Variants in COPA observed in about 807,000 individuals in gnomAD.
COPA encodes the protein coat protein complex I subunit alpha.
In COPA, 10 loss-of-function variants were observed where a neutral mutation model predicts 158.7. The ratio of observed to expected loss-of-function variants is 0.06; its 90% CI spans 0.04 to 0.11. The LOEUF is 0.11. Among genes scored for constraint, COPA ranks in the 10% least tolerant of loss-of-function variants. The pLI is 1.00. For synonymous variants in COPA, 462 were observed against 542.8 expected, an observed-to-expected ratio of 0.85 and a Z score of 2.07; for missense variants, 1,065 against 1,536.7, an observed-to-expected ratio of 0.69 and a Z score of 5.13.
intron 27 of COPA, 47 bp downstream of exon 27, chr1:160,293,119 G>A (rs560610472): frequency 6.3e-7 from 1 of 1,578,478 alleles, no homozygotes; most frequent in East Asian, 2.2e-5. Context: ...CATCTCCCGG[G>A]GACCCTGGGC....
intron 19 of COPA, among the ~76,000 whole-genome samples, chr1:160,298,023 C>CA (rs541581539): frequency 6.2e-4 from 94 of 151,412 alleles, no homozygotes; most frequent in African/African-American, 2.1e-3. Context: ...ACTAAAAATA[C>CA]AAAAAAAATT....
In COPA at chr1:160,291,829, C is replaced by T. The variant is rs141211632; in HGVS notation, c.3248G>A (p.Arg1083His). 6.2e-6 allele frequency: 10 copies of T among 1,613,942 alleles called. No homozygotes were observed. Among genetic ancestry groups the T allele is most frequent in the African/African-American group, 1.3e-5 (1 of 74,870 alleles). Residue 1083 changes from arginine (R) to histidine (H), a missense_variant, in exon 30 of 33, where the codon CGC (arginine) becomes CAC (histidine). Coordinates refer to ENST00000241704, the MANE Select transcript of COPA (RefSeq NM_004371.4). The stretch of plus-strand genomic sequence containing the variant: ...TCCTATAGATCTTACCTCACAGATG[C>T]GCTTCTGCTGTTCTAGAGTCTCTTT... Reference protein sequence around the residue: ...LPKETLEQQKRICEMAAYFTH... With the variant: ...LPKETLEQQKHICEMAAYFTH...
At chr1:160,292,386 C>T (rs1010499714) in intron 28 of COPA, 98 bp downstream of exon 28, 5 of 1,597,138 alleles carry the variant, frequency 3.1e-6, no homozygotes, top group Non-Finnish European at 4.3e-6. Flanking sequence ...ACTGGGAAAC[C>T]CTAGCTCTGA....
intron 13 of COPA, 64 bp downstream of exon 13, chr1:160,309,037 G>A: frequency 7.7e-7 from 1 of 1,302,888 alleles, no homozygotes; most frequent in South Asian, 1.2e-5. Flanking sequence ...AAAACTTGAA[G>A]AGGAGTTATG....
At chr1:160,325,470 A>G (rs948454485) in intron 7 of COPA, 73 bp downstream of exon 7, 5 of 1,240,928 alleles carry the variant, frequency 4.0e-6, no homozygotes, top group African/African-American at 3.0e-5. Context: ...GAAGGAATGA[A>G]TAAATGAACA....
chr1:160,328,717 C>T lies in COPA; in HGVS notation c.497-3065G>A, dbSNP rs80047825. On this transcript the variant is annotated intron_variant, in intron 6 of 32. Transcript: ENST00000241704. Reference sequence around the variant, plus strand: ...TTAAAATAATTTAACTGTCAGTTTACTTAGAAGCTCAAGTTAAGAAAGTAA... The same window carrying T: ...TTAAAATAATTTAACTGTCAGTTTATTTAGAAGCTCAAGTTAAGAAAGTAA... Among the ~76,000 whole-genome samples, 36 of 152,304 alleles carry T rather than the reference C, an allele frequency of 2.4e-4. No individual in the cohort carries two copies. The East Asian group carries it at 6.9e-3, about 29-fold the overall frequency.
At chr1:160,338,494 ATAGACT>A (rs1158398943) in intron 3 of COPA, among the ~76,000 whole-genome samples, 1 of 152,198 alleles carries the variant, frequency 6.6e-6, no homozygotes, top group Non-Finnish European at 1.5e-5. Context: ...GGTTTGACAC[ATAGACT>A]TAATGAAAAC....
Position 160,295,124 on chromosome 1 carries a change from C to G in COPA, c.2477-267G>C, listed in dbSNP as rs527938993. On this transcript the variant is annotated intron_variant, in intron 23 of 32. Coordinates refer to ENST00000241704, the MANE Select transcript of COPA (RefSeq NM_004371.4). ...CTCTTAAATAATTTGTACTTACCAG[C>G]CTTTGGCTACCAACTCTTGAATTTC... Among the ~76,000 whole-genome samples, 15 of 152,332 alleles carry G rather than the reference C, an allele frequency of 9.8e-5. No individual in the cohort carries two copies. In the East Asian group the frequency reaches 2.3e-3, roughly 24 times the overall value.
rs1658158560 is a variant in COPA, at chr1:160,289,687, T to C, written c.*470A>G. On this transcript the variant is annotated 3_prime_UTR_variant, in exon 33 of 33. Coordinates refer to ENST00000241704, the MANE Select transcript of COPA (RefSeq NM_004371.4). The stretch of plus-strand genomic sequence containing the variant: ...TTGAATGCAACCTCCACCTCCTAGG[T>C]TCAAGCGATTCTCATGCCTCAGCCT... The C allele has an allele frequency of 6.6e-6, 1 of 152,314 alleles. No individual in the cohort carries two copies. The highest frequency in any genetic ancestry group is 2.1e-4 in the South Asian group (1 of 4,862). The allele number at this position is 152,314 out of a possible 1,614,324, so 9.4% of individuals were successfully genotyped here.
Position 160,290,451 on chromosome 1 carries a change from C to T in COPA, c.3615+41G>A, listed in dbSNP as rs372293699. On this transcript the variant is annotated intron_variant, in intron 32 of 32. Transcript: ENST00000241704. ...ACCATGTTTCTTTCTTTTTCCCCTT[C>T]GCTCAATATCCTAGATATATTTATT... The T allele has an allele frequency of 1.9e-5, 30 of 1,580,352 alleles. No individual in the cohort carries two copies. The East Asian group carries it at 4.0e-4, about 21-fold the overall frequency.
At chr1:160,310,101 T>G in intron 12 of COPA, 91 bp downstream of exon 12, 1 of 709,752 alleles carries the variant, frequency 1.4e-6, no homozygotes, top group Non-Finnish European at 2.2e-6. Flanking sequence ...ATTAAATAGT[T>G]TCTAAGAAGC....
intron 26 of COPA, 74 bp from the exon 27 acceptor site, chr1:160,293,308 A>G: frequency 6.2e-7 from 1 of 1,611,202 alleles, no homozygotes; most frequent in South Asian, 1.1e-5. Flanking sequence ...ACTATAGTAG[A>G]AAAGTAGCCA....
chr1:160,318,481 AAAAAAAAAAAC>A (rs1405423360), intron 8 of COPA, among the ~76,000 whole-genome samples: 1,960 of 66,688 alleles, frequency 0.029, 49 homozygotes, highest in South Asian at 0.044. Flanking sequence ...AAAAAAAAAA[AAAAAAAAAAAC>A]AAAAAAAAAA....
chr1:160,322,989 G>GCACACACACACACA (rs112126446), intron 8 of COPA, among the ~76,000 whole-genome samples: 24 of 145,320 alleles, frequency 1.7e-4, no homozygotes, highest in African/African-American at 5.5e-4. Context: ...ACGCGCACGT[G>GCACACACACACACA]CACACACACA....
Position 160,343,150 on chromosome 1 carries a change from G to T in COPA, c.21C>A (p.Thr7=), listed in dbSNP as rs1352910688. The T allele has an allele frequency of 6.2e-7, 1 of 1,613,986 alleles. No homozygotes were observed. Among genetic ancestry groups the T allele is most frequent in the Admixed American group, 1.7e-5 (1 of 60,002 alleles). The part of the protein sequence containing the change: MLTKFE[T]KSARVKGLSF... ...CACTACCTTTGACCCGCGCGCTCTT[G>T]GTCTCGAATTTGGTTAACATCTCTC... Residue 7 remains threonine, a synonymous_variant, in exon 1 of 33, where the codon ACC becomes ACA. Coordinates refer to ENST00000241704, the MANE Select transcript of COPA (RefSeq NM_004371.4).
intron 1 of COPA, among the ~76,000 whole-genome samples, chr1:160,341,757 A>G (rs1462557132): frequency 1.3e-5 from 2 of 151,966 alleles, no homozygotes; most frequent in Non-Finnish European, 2.9e-5. Context: ...GAACTATTTT[A>G]ATTATTTATT....
At chr1:160,302,444 A>G (rs1011249862) in intron 17 of COPA, among the ~76,000 whole-genome samples, 2 of 152,102 alleles carry the variant, frequency 1.3e-5, no homozygotes, top group Non-Finnish European at 2.9e-5. Flanking sequence ...GAAACTGAAC[A>G]CTGTAAGGAC....
intron 18 of COPA, 28 bp downstream of exon 18, chr1:160,299,074 T>A: frequency 6.2e-7 from 1 of 1,610,840 alleles, no homozygotes; most frequent in Admixed American, 1.7e-5. Flanking sequence ...CCTCTCTTAA[T>A]ACTCTAGTTT....
intron 8 of COPA, among the ~76,000 whole-genome samples, chr1:160,319,504 G>A (rs1402542553): frequency 6.7e-6 from 1 of 148,790 alleles, no homozygotes; most frequent in Non-Finnish European, 1.5e-5. Flanking sequence ...CAAAGAAACA[G>A]TGGAGTTAAA....
Sources: allele counts gnomAD v4.1 joint callset (sites outside exome capture counted in the v4.1 genomes callset), GRCh38; gene constraint gnomAD v4.1.1; transcripts MANE v1.5; gene names NCBI Gene and HGNC (gene_info 2026-07-23, HGNC 2026-07-21).